SRPX: variants seen among roughly 807,000 people sequenced by gnomAD.
SRPX encodes sushi repeat containing protein X-linked.
In SRPX, 24 loss-of-function variants were observed where a neutral mutation model predicts 38.1. The ratio of observed to expected loss-of-function variants is 0.63; its 90% CI spans 0.46 to 0.89. SRPX has a LOEUF of 0.89. Ranked by LOEUF, SRPX falls within the 40% of genes least tolerant of loss-of-function variation. SRPX has a pLI of 0.00. For synonymous variants in SRPX, 184 were observed against 153.8 expected (o/e 1.20, Z -1.45); for missense variants, 416 against 377.8 (o/e 1.10, Z -0.84).
chrX:38,204,385 C>G (rs950338446), intron 1 of SRPX, among the ~76,000 whole-genome samples: 2 of 112,149 alleles, frequency 1.8e-5, no homozygotes, highest in Admixed American at 9.4e-5. Flanking sequence ...AGCACATAAA[C>G]CAATGGATCA....
rs1938239733 is a variant in SRPX at position 38,160,920 on chromosome X, G to T, written c.775+13C>A. ...AGAGAGGGGGAAACAAAACCAATAA[G>T]CAGTACTCTTACCTCTTACTTTAAC... On this transcript the variant is annotated intron_variant, in intron 6 of 9. Transcript: ENST00000378533. 1 of 1,205,758 alleles carries T rather than the reference G, an allele frequency of 8.3e-7. No homozygotes were observed. Among genetic ancestry groups the T allele is most frequent in the African/African-American group, 1.8e-5 (1 of 57,005 alleles).
At chrX:38,163,784 T>C (rs1292641201) in intron 5 of SRPX, among the ~76,000 whole-genome samples, 2 of 112,354 alleles carry the variant, frequency 1.8e-5, no homozygotes, top group Non-Finnish European at 3.8e-5. Context: ...AAGTGTTTGA[T>C]ATGATCGGGA....
chrX:38,167,928 T>TTTTTCA (rs1215582985), intron 4 of SRPX, among the ~76,000 whole-genome samples: 3 of 111,077 alleles, frequency 2.7e-5, no homozygotes, highest in Non-Finnish European at 5.7e-5. Flanking sequence ...GCCTAGCTGA[T>TTTTTCA]TTTATTTATT....
At chrX:38,209,012 C>CA (rs1276918227) in intron 1 of SRPX, among the ~76,000 whole-genome samples, 1 of 103,501 alleles carries the variant, frequency 9.7e-6, no homozygotes, top group African/African-American at 3.5e-5. Flanking sequence ...TTTTTTTTTG[C>CA]AAAAAATTTT....
rs1938803889 is a variant in SRPX, at chrX:38,187,197, G to A, written c.98-8853C>T. ...CACATCCCTGAGCTGCTGTGTAAAT[G>A]AGTTTCTTGAAAAAATGTAAAAATA... is the stretch of plus-strand genomic sequence containing the variant. On this transcript the variant is annotated intron_variant, in intron 1 of 9. Coordinates refer to ENST00000378533, the MANE Select transcript of SRPX (RefSeq NM_006307.5). Among the ~76,000 whole-genome samples the A allele has an allele frequency of 3.6e-5, 4 of 112,094 alleles. No individual in the cohort carries two copies. In the South Asian group the frequency reaches 1.5e-3, roughly 41 times the overall value.
chrX:38,171,411 C>T (rs909350749), intron 4 of SRPX, among the ~76,000 whole-genome samples: 1 of 111,783 alleles, frequency 8.9e-6, no homozygotes, highest in African/African-American at 3.3e-5. Flanking sequence ...ATGGGAACCA[C>T]TCACTGCCCA....
At chrX:38,173,579 A>G (rs746081544) in intron 3 of SRPX, among the ~76,000 whole-genome samples, 4 of 111,042 alleles carry the variant, frequency 3.6e-5, no homozygotes, top group Admixed American at 9.6e-5. Flanking sequence ...CCTCCTGAGT[A>G]GCTGGGATTA....
chrX:38,194,804 T>C (rs1395853061), intron 1 of SRPX, among the ~76,000 whole-genome samples: 2 of 110,308 alleles, frequency 1.8e-5, no homozygotes, highest in Admixed American at 9.7e-5. Flanking sequence ...CATGTGTCCA[T>C]TTATACACAA....
At chrX:38,214,498 A>T (rs1939393835) in intron 1 of SRPX, among the ~76,000 whole-genome samples, 1 of 111,722 alleles carries the variant, frequency 9.0e-6, no homozygotes. Context: ...TGAGAATACA[A>T]AAATGAACAA....
At chrX:38,167,283 G>T (rs1046386698) in intron 4 of SRPX, among the ~76,000 whole-genome samples, 4 of 111,636 alleles carry the variant, frequency 3.6e-5, no homozygotes, top group African/African-American at 9.8e-5. Context: ...TCTGCCTGCT[G>T]CTGACCTAGT....
At chrX:38,178,813 T>A (rs1457204300) in intron 1 of SRPX, among the ~76,000 whole-genome samples, 1 of 111,430 alleles carries the variant, frequency 9.0e-6, no homozygotes, top group East Asian at 2.8e-4. Flanking sequence ...AGGAGGTAAA[T>A]CAAATGTCTT....
Position 38,164,790 on chromosome X carries a change from G to A in SRPX, c.632C>T (p.Thr211Ile). The A allele has an allele frequency of 1.7e-6, 2 of 1,210,726 alleles. No individual in the cohort carries two copies. The highest frequency in any genetic ancestry group is 2.2e-5 in the Admixed American group (1 of 45,958). Residue 211 changes from threonine to isoleucine, a missense_variant, in exon 5 of 10, where the codon ACA becomes ATA. Thr to Ile is a moderately conservative substitution (Grantham distance 89). Transcript: ENST00000378533. ...TTACTCAGTAAGAATTCCATCTGCT[G>A]TGTCTCTTCCTTCGGGTGTCTCCCA... ...VSWETPEGRD[T>I]ADGILTDVIL...
chrX:38,194,863 GTTTTTTTTTT>G (rs35179239), intron 1 of SRPX, among the ~76,000 whole-genome samples: 2 of 53,667 alleles, frequency 3.7e-5, no homozygotes. Flanking sequence ...TTTGTTTTTG[GTTTTTTTTTT>G]TTTTTTTTTT....
intron 1 of SRPX, among the ~76,000 whole-genome samples, chrX:38,205,318 G>T (rs1317493645): frequency 8.9e-6 from 1 of 112,235 alleles, no homozygotes; most frequent in East Asian, 2.8e-4. Flanking sequence ...AATCCAGTTA[G>T]CAGGTGGATA....
At chrX:38,220,637 C>G in intron 1 of SRPX, 59 bp downstream of exon 1, 1 of 1,172,616 alleles carries the variant, frequency 8.5e-7, no homozygotes, top group Non-Finnish European at 1.1e-6. Context: ...AGGGTCCCAA[C>G]GGCGACTCCG....
intron 1 of SRPX, among the ~76,000 whole-genome samples, chrX:38,208,999 T>A (rs761739740): frequency 2.0e-5 from 1 of 50,263 alleles, no homozygotes; most frequent in African/African-American, 4.4e-5. Flanking sequence ...TATATATATA[T>A]ATTTTTTTTT....
At chrX:38,187,610 G>A (rs1938811081) in intron 1 of SRPX, among the ~76,000 whole-genome samples, 1 of 112,262 alleles carries the variant, frequency 8.9e-6, no homozygotes, top group Admixed American at 9.4e-5. Flanking sequence ...ACAAAATGGG[G>A]ACTCACCAAA....
At chrX:38,199,749 A>G (rs116736652) in intron 1 of SRPX, among the ~76,000 whole-genome samples, 16 of 58,493 alleles carry the variant, frequency 2.7e-4, no homozygotes, top group African/African-American at 6.7e-4. Context: ...GAGTGGCTGG[A>G]AAAAAAAAAA....
chrX:38,151,310 T>A (rs775258054), intron 9 of SRPX, among the ~76,000 whole-genome samples: 2 of 111,833 alleles, frequency 1.8e-5, no homozygotes, highest in Non-Finnish European at 3.8e-5. Context: ...TGCAAAGGTG[T>A]GAATGAAGAG....
Sources: gnomAD v4.1 joint callset for allele counts (sites outside exome capture counted in the v4.1 genomes callset) on GRCh38, gnomAD v4.1.1 for gene constraint, MANE v1.5 for transcripts, NCBI Gene and HGNC (gene_info 2026-07-23, HGNC 2026-07-21) for gene names.